EPB41L4A: variants seen among roughly 807,000 people sequenced by gnomAD.
EPB41L4A encodes the protein band 4.1-like protein 4A.
EPB41L4A carries 100 observed loss-of-function variants against 108.6 expected under a neutral mutation model. The observed-to-expected ratio is 0.92, with a 90% CI of 0.78 to 1.09. The LOEUF (loss-of-function observed/expected upper bound fraction) is 1.09, where lower values mean the gene tolerates loss of function less well. EPB41L4A is among the 50% of genes least tolerant of loss of function. EPB41L4A has a pLI of 0.00. For synonymous variants in EPB41L4A, 319 were observed against 289.0 expected (o/e 1.10, Z -1.05); for missense variants, 1,030 against 842.7 (o/e 1.22, Z -2.75).
chr5:112,274,457 T>C (rs4426960), intron 4 of EPB41L4A, among the ~76,000 whole-genome samples: 146,273 of 152,234 alleles, frequency 0.96, 70,548 homozygotes, highest in East Asian at 1. Flanking sequence ...ACCCTCTTCT[T>C]ATTCTTCTGT....
rs143326265 is a variant in EPB41L4A, at chr5:112,398,531, G to A, written c.99+20410C>T. ...AGCCTTCCGAGTAGCTGGGACTACAGGCATGCACCACCACACCCGCTAATT... is the reference window on the plus strand; with the variant it reads ...AGCCTTCCGAGTAGCTGGGACTACAAGCATGCACCACCACACCCGCTAATT... On this transcript the variant is annotated intron_variant, in intron 1 of 22. Coordinates refer to ENST00000261486, the MANE Select transcript of EPB41L4A (RefSeq NM_022140.5). 4.9e-3 allele frequency among the ~76,000 whole-genome samples: 744 copies of A among 152,236 alleles called. 5 individuals are homozygous for A. Among genetic ancestry groups the A allele is most frequent in the African/African-American group, 0.016 (684 of 41,526 alleles).
At chr5:112,237,878 TTA>T (rs1318956642) in intron 11 of EPB41L4A, among the ~76,000 whole-genome samples, 2 of 152,174 alleles carry the variant, frequency 1.3e-5, no homozygotes, top group Admixed American at 6.5e-5. Flanking sequence ...TACTAGGCAG[TTA>T]ACATCAGCCA....
At chr5:112,365,568 C>A (rs573115141) in intron 1 of EPB41L4A, among the ~76,000 whole-genome samples, 10 of 152,184 alleles carry the variant, frequency 6.6e-5, no homozygotes, top group Non-Finnish European at 1.5e-4. Flanking sequence ...TGGCACCCAG[C>A]CTCCTCTATT....
chr5:112,334,128 T>C (rs1386738364), intron 1 of EPB41L4A, among the ~76,000 whole-genome samples: 2 of 152,100 alleles, frequency 1.3e-5, no homozygotes, highest in East Asian at 3.8e-4. Flanking sequence ...TTATTAATAT[T>C]AAAATAAAGA....
downstream of EPB41L4A, chr5:112,160,846 T>C (rs374993640): frequency 1.9e-5 from 3 of 156,122 alleles, no homozygotes; most frequent in Non-Finnish European, 2.9e-5. Context: ...AGAAAAGCAT[T>C]GTGGGACGGA....
At chr5:112,339,474 CTA>C (rs56972746) in intron 1 of EPB41L4A, among the ~76,000 whole-genome samples, 52,291 of 115,384 alleles carry the variant, frequency 0.45, 11,389 homozygotes, top group South Asian at 0.65. Context: ...ATATATATAT[CTA>C]TATATATATA....
intron 1 of EPB41L4A, among the ~76,000 whole-genome samples, chr5:112,343,721 G>C (rs1476093654): frequency 6.6e-6 from 1 of 152,030 alleles, no homozygotes; most frequent in Non-Finnish European, 1.5e-5. Context: ...GGAGTATCTA[G>C]CAAGAATAAA....
chr5:112,162,010 A>G (rs949292344), downstream of EPB41L4A: 1 of 152,544 alleles, frequency 6.6e-6, no homozygotes, highest in African/African-American at 2.4e-5. Flanking sequence ...GGCATTCTGC[A>G]TCTCTTTAAG....
At chr5:112,169,684 CAAAT>C (rs373841367) in intron 20 of EPB41L4A, among the ~76,000 whole-genome samples, 36 of 152,206 alleles carry the variant, frequency 2.4e-4, no homozygotes, top group South Asian at 1.7e-3. Context: ...TAATTAAAAA[CAAAT>C]AAATAATTCA....
chr5:112,400,519 T>C (rs1580835789), intron 1 of EPB41L4A, among the ~76,000 whole-genome samples: 1 of 152,226 alleles, frequency 6.6e-6, no homozygotes, highest in East Asian at 1.9e-4. Context: ...AGCAGGCAGG[T>C]CACACAGTGG....
Position 112,266,362 on chromosome 5 carries a change from T to A in EPB41L4A, c.336-32A>T, listed in dbSNP as rs115514577. The A allele has an allele frequency of 6.9e-4, 1,004 of 1,460,266 alleles. 9 individuals carry two copies. The African/African-American group carries it at 0.013, about 19-fold the overall frequency. The allele number at this position is 1,460,266 out of a possible 1,614,324, so 90.5% of individuals were successfully genotyped here. A position where few individuals can be genotyped will look rare whatever the true frequency, so the allele number is the denominator to read the frequency against. The stretch of plus-strand genomic sequence containing the variant: ...GAGAAACAAAAAGAGAGATTAACGA[T>A]CTCTTACACTACTCAAACCTGAGGT... On this transcript the variant is annotated intron_variant, in intron 4 of 22. Transcript: ENST00000261486.
intron 2 of EPB41L4A, among the ~76,000 whole-genome samples, chr5:112,296,268 T>C (rs557010361): frequency 1.3e-5 from 2 of 152,288 alleles, no homozygotes; most frequent in East Asian, 1.9e-4. Context: ...TTATTTAATA[T>C]TGCATTAAAT....
intron 3 of EPB41L4A, among the ~76,000 whole-genome samples, chr5:112,276,215 G>A (rs980946906): frequency 7.9e-5 from 12 of 151,924 alleles, no homozygotes; most frequent in Admixed American, 3.9e-4. Context: ...GTGTTCTCAC[G>A]TATTTAAGAA....
Position 112,164,155 on chromosome 5 carries a change from C to T in EPB41L4A, c.*835G>A, listed in dbSNP as rs1437283383. ...TTACACTTCTGAAAACGCAAGAACA[C>T]TTTAGAAATTAACAACACTTAAAGC... On this transcript the variant is annotated 3_prime_UTR_variant, in exon 23 of 23. Transcript: ENST00000261486. The T allele has an allele frequency of 6.6e-6, 1 of 152,170 alleles. No individual in the cohort carries two copies. Among genetic ancestry groups the T allele is most frequent in the Non-Finnish European group, 1.5e-5 (1 of 68,036 alleles). 9.4% of individuals were successfully genotyped at this position (152,170 alleles called of 1,614,324 possible).
intron 2 of EPB41L4A, among the ~76,000 whole-genome samples, chr5:112,303,020 T>C (rs895147892): frequency 2.6e-5 from 4 of 152,156 alleles, no homozygotes; most frequent in African/African-American, 9.7e-5. Context: ...ACTTTCTGCT[T>C]CTTGATCTTT....
At chr5:112,182,178 T>C (rs1761192264) in intron 18 of EPB41L4A, among the ~76,000 whole-genome samples, 1 of 152,130 alleles carries the variant, frequency 6.6e-6, no homozygotes, top group Admixed American at 6.5e-5. Flanking sequence ...ACTGGCAGGA[T>C]GGATAGGTTA....
intron 18 of EPB41L4A, among the ~76,000 whole-genome samples, chr5:112,171,275 G>A (rs1197417187): frequency 6.6e-6 from 1 of 152,186 alleles, no homozygotes; most frequent in Admixed American, 6.5e-5. Context: ...CCATCCAGTG[G>A]TAACTGTACA....
intron 12 of EPB41L4A, 34 bp from the exon 13 acceptor site, chr5:112,210,016 G>C: frequency 7.9e-7 from 1 of 1,260,980 alleles, no homozygotes; most frequent in Non-Finnish European, 1.1e-6. Context: ...ATGGAAGAGA[G>C]AGGAAACAGT....
rs552254110 is a variant in EPB41L4A, at chr5:112,185,628, G to A, written c.1503-1493C>T. ...ATAGGCTATTATTTGAAGATTAACA[G>A]GATACTGTCAAGGTATTTTTCACAG... is the stretch of plus-strand genomic sequence containing the variant. On this transcript the variant is annotated intron_variant, in intron 17 of 22. Transcript: ENST00000261486. Among the ~76,000 whole-genome samples, 30 of 152,258 alleles carry A rather than the reference G, an allele frequency of 2.0e-4. 1 individual carries two copies. The South Asian group carries it at 6.2e-3, about 32-fold the overall frequency.
Sources: allele counts gnomAD v4.1 joint callset (sites outside exome capture counted in the v4.1 genomes callset), GRCh38; gene constraint gnomAD v4.1.1; transcripts MANE v1.5; gene names NCBI Gene and HGNC (gene_info 2026-07-23, HGNC 2026-07-21).